The following MREG variants were observed in gnomAD, a reference collection of about 807,000 sequenced individuals.
MREG encodes melanoregulin, also known as dilute suppressor protein homolog.
MREG carries 31 observed loss-of-function variants against 28.5 expected under a neutral mutation model. The ratio of observed to expected loss-of-function variants is 1.09; its 90% CI spans 0.82 to 1.47. MREG has a LOEUF of 1.47. Ranked by LOEUF, MREG falls within the 40% of genes most tolerant of loss-of-function variation. The pLI is 0.00. For synonymous variants in MREG, 106 were observed against 95.2 expected (o/e 1.11, Z -0.66); for missense variants, 256 against 257.4 (o/e 0.99, Z 0.04).
intron 1 of MREG, among the ~76,000 whole-genome samples, chr2:216,001,384 T>C (rs1160210012): frequency 2.0e-5 from 3 of 152,120 alleles, no homozygotes; most frequent in Non-Finnish European, 4.4e-5. Context: ...CAGGGGATGA[T>C]GTAAATCAGG....
At chr2:215,971,920 C>T (rs1350429810) in intron 2 of MREG, among the ~76,000 whole-genome samples, 1 of 152,220 alleles carries the variant, frequency 6.6e-6, no homozygotes, top group Non-Finnish European at 1.5e-5. Flanking sequence ...AAACGCACTG[C>T]CTTACCTAAC....
At chr2:215,978,866 T>A (rs1410768965) in intron 2 of MREG, among the ~76,000 whole-genome samples, 1 of 152,210 alleles carries the variant, frequency 6.6e-6, no homozygotes, top group East Asian at 1.9e-4. Context: ...ATAAACTAGG[T>A]ATTGATGGAA....
chr2:215,979,467 A>AAAAAAAAAT (rs373505672), intron 2 of MREG, among the ~76,000 whole-genome samples: 18 of 132,476 alleles, frequency 1.4e-4, no homozygotes, highest in Non-Finnish European at 1.4e-4. Context: ...CCATCTCAAA[A>AAAAAAAAAT]AATAATAATA....
At chr2:215,979,872 A>T (rs1325366997) in intron 2 of MREG, among the ~76,000 whole-genome samples, 1 of 151,456 alleles carries the variant, frequency 6.6e-6, no homozygotes, top group South Asian at 2.1e-4. Context: ...CAAAATGTAT[A>T]TGTCATCGAC....
chr2:216,027,190 T>A (rs1035550448), intron 1 of MREG, among the ~76,000 whole-genome samples: 1 of 152,212 alleles, frequency 6.6e-6, no homozygotes, highest in Non-Finnish European at 1.5e-5. Context: ...AACGGTGGTA[T>A]AGGAATATTT....
chr2:215,984,801 C>T (rs935775871), intron 2 of MREG, among the ~76,000 whole-genome samples: 7 of 152,186 alleles, frequency 4.6e-5, no homozygotes, highest in South Asian at 2.1e-4. Context: ...CTTTCTGAAA[C>T]GTGGTCACCA....
intron 2 of MREG, among the ~76,000 whole-genome samples, chr2:215,970,992 T>G (rs1343322404): frequency 6.6e-6 from 1 of 152,026 alleles, no homozygotes; most frequent in Non-Finnish European, 1.5e-5. Flanking sequence ...AGTAGGGACA[T>G]GGATGAAGCT....
chr2:216,006,086 G>A (rs78710989), intron 1 of MREG, among the ~76,000 whole-genome samples: 7,634 of 152,230 alleles, frequency 0.05, 280 homozygotes, highest in South Asian at 0.14. Flanking sequence ...TTTAAACATA[G>A]GTGGTGTAGT....
downstream of MREG, chr2:215,941,582 G>A (rs1692198328): frequency 6.6e-6 from 1 of 152,258 alleles, no homozygotes; most frequent in East Asian, 1.9e-4. Flanking sequence ...CACTTGCAGT[G>A]GTTTTACAAA....
intron 2 of MREG, among the ~76,000 whole-genome samples, chr2:215,950,585 T>C (rs1692456244): frequency 6.6e-6 from 1 of 152,242 alleles, no homozygotes; most frequent in Non-Finnish European, 1.5e-5. Context: ...ACTATGGATG[T>C]CATACTTCCA....
At chr2:215,961,408 T>A (rs979468076) in intron 2 of MREG, among the ~76,000 whole-genome samples, 1 of 152,070 alleles carries the variant, frequency 6.6e-6, no homozygotes, top group African/African-American at 2.4e-5. Context: ...AGGTATCAGA[T>A]TCACATGCAG....
chr2:216,010,882 G>C (rs1032915149), intron 1 of MREG, among the ~76,000 whole-genome samples: 1 of 151,434 alleles, frequency 6.6e-6, no homozygotes, highest in African/African-American at 2.4e-5. Context: ...AGATCACGAG[G>C]TCAGGAGATA....
intron 2 of MREG, among the ~76,000 whole-genome samples, chr2:215,976,834 GC>G: frequency 6.6e-6 from 1 of 152,292 alleles, no homozygotes; most frequent in Non-Finnish European, 1.5e-5. Flanking sequence ...AAGGCTGAGA[GC>G]TTTTGTCACC....
At chr2:215,961,986 C>T (rs546338961) in intron 2 of MREG, among the ~76,000 whole-genome samples, 1 of 152,362 alleles carries the variant, frequency 6.6e-6, no homozygotes, top group East Asian at 1.9e-4. Context: ...GCACCTTAGA[C>T]AGGCACATCC....
At chr2:215,968,503 T>C (rs1693005374) in intron 2 of MREG, among the ~76,000 whole-genome samples, 1 of 152,084 alleles carries the variant, frequency 6.6e-6, no homozygotes, top group Non-Finnish European at 1.5e-5. Flanking sequence ...AGAAATCAAG[T>C]AGTTCGAAAG....
Position 215,993,231 on chromosome 2 carries a change from C to G in MREG, c.255+3075G>C, listed in dbSNP as rs1179209087. On this transcript the variant is annotated intron_variant, in intron 2 of 4. Coordinates refer to ENST00000263268, the MANE Select transcript of MREG (RefSeq NM_018000.3). ...TAGTACCAAAGCAGATAATGCAGAC[C>G]AATAGAACAGAACAGAGGCCTCAGA... Among the ~76,000 whole-genome samples the G allele has an allele frequency of 4.6e-5, 7 of 152,184 alleles. No homozygotes were observed. In the East Asian group the frequency reaches 1.2e-3, roughly 25 times the overall value.
chr2:216,032,833 T>C (rs1262156364), exon 1 of MREG: 2 of 152,234 alleles, frequency 1.3e-5, no homozygotes, highest in Non-Finnish European at 2.9e-5. Context: ...TTGGTCTTAT[T>C]TCAATAGATG....
rs113417580 is a variant in MREG, at chr2:216,030,927, TTC to T, written c.-68+1860_-68+1861del. Among the ~76,000 whole-genome samples, 717 of 130,886 alleles carry T rather than the reference TTC, an allele frequency of 5.5e-3. 1 individual carries two copies. The highest frequency in any genetic ancestry group is 0.03 in the South Asian group (111 of 3,740). The allele number at this position is 130,886 out of a possible 152,430, so 85.9% of individuals were successfully genotyped here. Reference sequence around the variant, plus strand: ...ACACACAAGCCCACTATGAGGCCCATTCTCTCTCTCTCTCTCTCTCTCTCTCT... The same window carrying T: ...ACACACAAGCCCACTATGAGGCCCATTCTCTCTCTCTCTCTCTCTCTCTCT... On this transcript the variant is annotated intron_variant, in intron 1 of 3. Coordinates refer to the MREG transcript ENST00000420348.
intron 2 of MREG, among the ~76,000 whole-genome samples, chr2:215,955,484 C>T (rs1692600531): frequency 6.6e-6 from 1 of 152,174 alleles, no homozygotes; most frequent in Non-Finnish European, 1.5e-5. Flanking sequence ...GCTGCTAGGA[C>T]AATGACAACA....
Sources: gnomAD v4.1 joint callset for allele counts (sites outside exome capture counted in the v4.1 genomes callset) on GRCh38, gnomAD v4.1.1 for gene constraint, MANE v1.5 for transcripts, NCBI Gene and HGNC (gene_info 2026-07-23, HGNC 2026-07-21) for gene names.